The following E2F6 variants were observed in gnomAD, a reference collection of about 807,000 sequenced individuals.
E2F6 encodes E2F transcription factor 6.
A neutral mutation model predicts 31.5 loss-of-function variants in E2F6; 19 were observed. The observed-to-expected ratio is 0.60, with a 90% CI of 0.42 to 0.89. The LOEUF (loss-of-function observed/expected upper bound fraction) is 0.89, where lower values mean the gene tolerates loss of function less well. E2F6 is among the 40% of genes least tolerant of loss of function. The pLI is 0.00. For synonymous variants in E2F6, 121 were observed against 127.7 expected (o/e 0.95, Z 0.36); for missense variants, 269 against 341.6 (o/e 0.79, Z 1.67).
chr2:11,465,014 A>G (rs1270229636), intron 1 of E2F6, among the ~76,000 whole-genome samples: 1 of 152,032 alleles, frequency 6.6e-6, no homozygotes, highest in East Asian at 1.9e-4. Context: ...TCCCGTCTCT[A>G]CTAAAAATAC....
intron 1 of E2F6, among the ~76,000 whole-genome samples, chr2:11,463,077 T>A (rs750254968): frequency 1.3e-5 from 2 of 152,238 alleles, no homozygotes; most frequent in African/African-American, 4.8e-5. Context: ...ACATGCAAAC[T>A]AAGTGGTTTT....
intron 1 of E2F6, among the ~76,000 whole-genome samples, chr2:11,460,489 A>C (rs1016399981): frequency 6.6e-6 from 1 of 152,146 alleles, no homozygotes; most frequent in Non-Finnish European, 1.5e-5. Flanking sequence ...TTCTCATGCT[A>C]TGGACTTGGA....
chr2:11,465,178 C>CAAAAA (rs59561027), intron 1 of E2F6, among the ~76,000 whole-genome samples: 1 of 88,588 alleles, frequency 1.1e-5, no homozygotes, highest in Admixed American at 1.4e-4. Context: ...AACTCAATCT[C>CAAAAA]AAAAAAAAAA....
intron 2 of E2F6, among the ~76,000 whole-genome samples, chr2:11,454,969 A>C (rs565824565): frequency 2.6e-4 from 39 of 152,360 alleles, no homozygotes; most frequent in African/African-American, 8.4e-4. Context: ...TCCCAATATT[A>C]GAAATTAGAC....
intron 6 of E2F6, among the ~76,000 whole-genome samples, chr2:11,447,322 C>A (rs1176822856): frequency 6.6e-6 from 1 of 152,174 alleles, no homozygotes; most frequent in Non-Finnish European, 1.5e-5. Flanking sequence ...CCGGCCAGGT[C>A]ATGGGCAGGC....
intron 2 of E2F6, among the ~76,000 whole-genome samples, chr2:11,454,331 G>A (rs1268821506): frequency 1.3e-5 from 2 of 151,306 alleles, no homozygotes; most frequent in Non-Finnish European, 2.9e-5. Context: ...GACATACCTC[G>A]AGCAACAGTG....
chr2:11,454,954 A>G (rs1273521629), intron 2 of E2F6, among the ~76,000 whole-genome samples: 1 of 152,206 alleles, frequency 6.6e-6, no homozygotes, highest in African/African-American at 2.4e-5. Context: ...AGTATTTGCT[A>G]TTTATCCCAA....
intron 1 of E2F6, among the ~76,000 whole-genome samples, chr2:11,459,864 AC>A (rs1206149446): frequency 6.6e-6 from 1 of 150,460 alleles, no homozygotes; most frequent in Non-Finnish European, 1.5e-5. Flanking sequence ...AGCCCAGATG[AC>A]GGTGCGAGAC....
chr2:11,447,493 G>A, intron 6 of E2F6, 134 bp downstream of exon 6: 1 of 944,620 alleles, frequency 1.1e-6, no homozygotes, highest in South Asian at 1.6e-5. Context: ...CTAAACTACA[G>A]TAAGAGTTAT....
chr2:11,465,674 C>G (rs1461654273), intron 1 of E2F6, 98 bp downstream of exon 1: 2 of 1,281,836 alleles, frequency 1.6e-6, no homozygotes, highest in Non-Finnish European at 2.2e-6. Context: ...GGGGAGCAGA[C>G]GACCCAGACG....
intron 6 of E2F6, 74 bp from the exon 7 acceptor site, chr2:11,446,597 A>G (rs1670729293): frequency 8.0e-7 from 1 of 1,256,134 alleles, no homozygotes; most frequent in Non-Finnish European, 1.2e-6. Flanking sequence ...CAAATACGTA[A>G]AAGAATACAC....
intron 1 of E2F6, among the ~76,000 whole-genome samples, chr2:11,463,810 G>A (rs1336656062): frequency 1.3e-5 from 2 of 152,026 alleles, no homozygotes; most frequent in African/African-American, 4.8e-5. Context: ...AATTAGCCAG[G>A]TGTGGTGGCA....
chr2:11,447,389 C>T (rs1222822945), intron 6 of E2F6, among the ~76,000 whole-genome samples: 3 of 152,108 alleles, frequency 2.0e-5, no homozygotes, highest in Non-Finnish European at 2.9e-5. Flanking sequence ...CAGAGACCAT[C>T]GCAAGTTGGT....
intron 1 of E2F6, among the ~76,000 whole-genome samples, chr2:11,459,380 A>T (rs1164018468): frequency 6.6e-6 from 1 of 152,220 alleles, no homozygotes; most frequent in Admixed American, 6.5e-5. Context: ...TAGGCATAAT[A>T]TGAAAAAAGA....
chr2:11,450,639 T>C (rs1012238586), intron 4 of E2F6, among the ~76,000 whole-genome samples: 4 of 152,232 alleles, frequency 2.6e-5, no homozygotes, highest in African/African-American at 9.6e-5. Context: ...ATGATGTTAC[T>C]TCATCCAAAA....
At position 11,447,727 on chromosome 2, in the gene E2F6, G is replaced by A. The variant is rs1670808847; in HGVS notation, c.699C>T (p.Val233=). The A allele has an allele frequency of 6.2e-7, 1 of 1,612,092 alleles. No homozygotes were observed. Among genetic ancestry groups the A allele is most frequent in the Non-Finnish European group, 8.5e-7 (1 of 1,180,018 alleles). ...GACCCTGCTCCACTTCACACAAATA[G>A]ACATCGATAGGTCCGTTGGTGCTCC... The part of the protein sequence containing the change: ...HIRSTNGPID[V]YLCEVEQGQT... Residue 233 remains valine, a synonymous_variant, in exon 6 of 7, where the codon GTC becomes GTT. Coordinates refer to ENST00000381525, the MANE Select transcript of E2F6 (RefSeq NM_198256.4).
intron 5 of E2F6, among the ~76,000 whole-genome samples, chr2:11,448,672 C>T (rs1670872819): frequency 6.6e-6 from 1 of 152,284 alleles, no homozygotes; most frequent in South Asian, 2.1e-4. Context: ...AAATCCTGTA[C>T]AATTTAATAG....
chr2:11,465,589 G>A (rs1672119590), intron 1 of E2F6, among the ~76,000 whole-genome samples, 183 bp downstream of exon 1: 1 of 152,234 alleles, frequency 6.6e-6, no homozygotes, highest in Admixed American at 6.5e-5. Flanking sequence ...CTGATACCAC[G>A]TCTGTGAGCA....
At position 11,450,096 on chromosome 2, in the gene E2F6, A is replaced by G. The variant is rs199506671; in HGVS notation, c.567T>C (p.His189=). Reference sequence around the variant, plus strand: ...TCTGTTCATGGAAGGCCTGAATGCTATGAATGTCTTGATAGGTCACATATG... The same window carrying G: ...TCTGTTCATGGAAGGCCTGAATGCTGTGAATGTCTTGATAGGTCACATATG... ...RLAYVTYQDI[H]SIQAFHEQIV... is the part of the protein sequence containing the mutation. The change falls in exon 5 of 7, where the codon CAT becomes CAC. Residue 189 remains histidine, a synonymous_variant. Coordinates refer to ENST00000381525, the MANE Select transcript of E2F6 (RefSeq NM_198256.4). 1.5e-5 allele frequency: 24 copies of G among 1,613,228 alleles called. No homozygotes were observed. The highest frequency in any genetic ancestry group is 1.7e-6 in the Non-Finnish European group (2 of 1,179,444).
Sources: gnomAD v4.1 joint callset for allele counts (sites outside exome capture counted in the v4.1 genomes callset) on GRCh38, gnomAD v4.1.1 for gene constraint, MANE v1.5 for transcripts, NCBI Gene and HGNC (gene_info 2026-07-23, HGNC 2026-07-21) for gene names.